Variants in CBFA2T2 observed in about 807,000 individuals in gnomAD.
CBFA2T2 encodes CBFA2/RUNX1 partner transcriptional co-repressor 2.
CBFA2T2 carries 11 observed loss-of-function variants against 62.2 expected under a neutral mutation model. The observed-to-expected ratio is 0.18, with a 90% CI of 0.11 to 0.29. CBFA2T2 has a LOEUF of 0.29. CBFA2T2 is among the 10% of genes least tolerant of loss of function. The pLI, the probability that CBFA2T2 is intolerant of heterozygous loss-of-function variation, is 1.00. For synonymous variants in CBFA2T2, 295 were observed against 287.5 expected (o/e 1.03, Z -0.27); for missense variants, 592 against 774.1 (o/e 0.76, Z 2.79).
chr20:33,616,368 T>C (rs2015714250), intron 3 of CBFA2T2, among the ~76,000 whole-genome samples: 2 of 152,200 alleles, frequency 1.3e-5, no homozygotes, highest in Non-Finnish European at 2.9e-5. Context: ...AAGGTTTCTG[T>C]ATTTCTGTAT....
rs1048109262 is a variant in CBFA2T2 at position 33,649,234 on chromosome 20, G to A, written c.*4588G>A. The A allele has an allele frequency of 3.9e-5, 6 of 152,286 alleles. No individual in the cohort carries two copies. Among genetic ancestry groups the A allele is most frequent in the African/African-American group, 1.2e-4 (5 of 41,396 alleles). 9.4% of individuals were successfully genotyped at this position (152,286 alleles called of 1,614,324 possible). ...TGAACCAAACGGAAGAATAGCCAGC[G>A]GAGCATGGACTGTTCCAGCACGGGC... On this transcript the variant is annotated 3_prime_UTR_variant, in exon 11 of 11. Coordinates refer to ENST00000342704, the MANE Select transcript of CBFA2T2 (RefSeq NM_001032999.3).
At chr20:33,578,060 A>G (rs2013912366) in intron 1 of CBFA2T2, among the ~76,000 whole-genome samples, 1 of 152,178 alleles carries the variant, frequency 6.6e-6, no homozygotes, top group Non-Finnish European at 1.5e-5. Flanking sequence ...GAAGGTGTGT[A>G]CGGTGTTCCT....
intron 1 of CBFA2T2, among the ~76,000 whole-genome samples, chr20:33,527,056 A>G (rs2011908332): frequency 6.6e-6 from 1 of 152,260 alleles, no homozygotes; most frequent in Non-Finnish European, 1.5e-5. Context: ...CCTCAGCTGC[A>G]TTATAAAGAC....
At chr20:33,493,237 G>A (rs1485265854) in intron 1 of CBFA2T2, among the ~76,000 whole-genome samples, 1 of 151,332 alleles carries the variant, frequency 6.6e-6, no homozygotes, top group South Asian at 2.1e-4. Context: ...CAACACGTCC[G>A]GCTAATTTTT....
chr20:33,598,343 C>T (rs2014976286), intron 1 of CBFA2T2, among the ~76,000 whole-genome samples: 1 of 152,088 alleles, frequency 6.6e-6, no homozygotes, highest in Non-Finnish European at 1.5e-5. Context: ...GACAGGCGCA[C>T]CTAGGGGGGC....
At chr20:33,530,704 C>T (rs1339452364) in intron 1 of CBFA2T2, among the ~76,000 whole-genome samples, 1 of 152,118 alleles carries the variant, frequency 6.6e-6, no homozygotes, top group Non-Finnish European at 1.5e-5. Flanking sequence ...TGAGCCACTG[C>T]ACCAGCCCAC....
intron 1 of CBFA2T2, chr20:33,562,210 G>A (rs2013112204): frequency 5.9e-6 from 1 of 169,986 alleles, no homozygotes; most frequent in Non-Finnish European, 1.2e-5. Flanking sequence ...TATCCTTGCT[G>A]TTATTGTCAG....
intron 1 of CBFA2T2, among the ~76,000 whole-genome samples, chr20:33,583,716 C>G (rs972369112): frequency 6.6e-6 from 1 of 152,134 alleles, no homozygotes; most frequent in South Asian, 2.1e-4. Context: ...TAGACAGATG[C>G]TGTCTACAGG....
At chr20:33,592,388 A>G (rs527414090) in intron 1 of CBFA2T2, among the ~76,000 whole-genome samples, 25 of 147,624 alleles carry the variant, frequency 1.7e-4, no homozygotes, top group South Asian at 6.3e-4. Context: ...ATATATATAT[A>G]TATAATTATG....
chr20:33,599,588 CTT>C (rs1207752005), intron 1 of CBFA2T2, among the ~76,000 whole-genome samples: 10 of 141,366 alleles, frequency 7.1e-5, no homozygotes, highest in East Asian at 2.0e-4. Flanking sequence ...GGTAATTTCC[CTT>C]TTTTTTTTTT....
intron 9 of CBFA2T2, among the ~76,000 whole-genome samples, chr20:33,640,047 C>T (rs2016772330): frequency 1.3e-5 from 2 of 152,210 alleles, no homozygotes; most frequent in South Asian, 4.1e-4. Flanking sequence ...TAGTCTCTTA[C>T]GATGACATAC....
chr20:33,544,824 C>T (rs1006027448), intron 1 of CBFA2T2, among the ~76,000 whole-genome samples: 4 of 152,158 alleles, frequency 2.6e-5, no homozygotes, highest in Admixed American at 6.5e-5. Flanking sequence ...GAATTACAGG[C>T]GTGAGCCACT....
chr20:33,490,724 A>T (rs1437865142), intron 1 of CBFA2T2, among the ~76,000 whole-genome samples: 2 of 152,218 alleles, frequency 1.3e-5, no homozygotes, highest in Non-Finnish European at 2.9e-5. Flanking sequence ...GCGCAGGCTC[A>T]GTAGTTGGCT....
At chr20:33,573,956 AT>A (rs79244534) in intron 1 of CBFA2T2, 25,893 of 324,928 alleles carry the variant, frequency 0.08, no homozygotes, top group South Asian at 0.11. Context: ...AATTTTTCTT[AT>A]TTTTTTTTTT....
chr20:33,495,039 TGTA>T (rs374861593), intron 1 of CBFA2T2, among the ~76,000 whole-genome samples: 5 of 152,180 alleles, frequency 3.3e-5, no homozygotes, highest in African/African-American at 1.2e-4. Flanking sequence ...TCATTGATCT[TGTA>T]GTAGTACCTT....
Position 33,623,799 on chromosome 20 carries a change from G to C in CBFA2T2, c.692+503G>C, listed in dbSNP as rs78702728. 2,823 of 715,612 alleles carry C rather than the reference G, an allele frequency of 3.9e-3. 38 individuals carry two copies. The highest frequency in any genetic ancestry group is 0.022 in the East Asian group (837 of 37,264). 44.3% of individuals were successfully genotyped at this position (715,612 alleles called of 1,614,324 possible). Reference sequence around the variant, plus strand: ...TGCATAATACATCTAAAATCTATGGGAGTAGCTTCCAGACATGAGTATTTT... The same window carrying C: ...TGCATAATACATCTAAAATCTATGGCAGTAGCTTCCAGACATGAGTATTTT... On this transcript the variant is annotated intron_variant, in intron 5 of 10. Coordinates refer to ENST00000342704, the MANE Select transcript of CBFA2T2 (RefSeq NM_001032999.3).
In CBFA2T2 at chr20:33,526,070, C is replaced by T. The variant is rs2011877105; in HGVS notation, c.34+35769C>T. Among the ~76,000 whole-genome samples the T allele has an allele frequency of 2.0e-5, 3 of 152,136 alleles. No homozygotes were observed. In the South Asian group the frequency reaches 6.2e-4, roughly 32 times the overall value. ...CCAAGAGCTAGAAAGCTATGCTGTACTTTAGAGGAAAATATATTAAATAAG... is the reference window on the plus strand; with the variant it reads ...CCAAGAGCTAGAAAGCTATGCTGTATTTTAGAGGAAAATATATTAAATAAG... On this transcript the variant is annotated intron_variant, in intron 1 of 10. Transcript: ENST00000342704.
chr20:33,587,678 C>G (rs563572782), intron 1 of CBFA2T2, among the ~76,000 whole-genome samples: 26 of 152,364 alleles, frequency 1.7e-4, no homozygotes, highest in African/African-American at 5.5e-4. Context: ...GGATTACAGG[C>G]ATGAGCCACT....
chr20:33,642,717 G>A lies in CBFA2T2; in HGVS notation c.1489-1630G>A, dbSNP rs554064551. Among the ~76,000 whole-genome samples, 60 of 152,242 alleles carry A rather than the reference G, an allele frequency of 3.9e-4. 1 individual carries two copies. Among genetic ancestry groups the A allele is most frequent in the Non-Finnish European group, 6.9e-4 (47 of 68,004 alleles). On this transcript the variant is annotated intron_variant, in intron 10 of 10. Transcript: ENST00000342704. ...GTTTCTCTTCTCTATGTTTAACTGT[G>A]TATGTATAGCCATCCATATCAGTAT...
Sources: allele counts gnomAD v4.1 joint callset (sites outside exome capture counted in the v4.1 genomes callset), GRCh38; gene constraint gnomAD v4.1.1; transcripts MANE v1.5; gene names NCBI Gene and HGNC (gene_info 2026-07-23, HGNC 2026-07-21).